The following RHOH variants were observed in gnomAD, a reference collection of about 807,000 sequenced individuals.
The protein encoded by RHOH is rho-related GTP-binding protein RhoH.
A neutral mutation model predicts 13.8 loss-of-function variants in RHOH; 6 were observed. The observed-to-expected ratio is 0.44, with a 90% CI of 0.24 to 0.86. RHOH has a LOEUF of 0.86. Among genes scored for constraint, RHOH ranks in the 40% least tolerant of loss-of-function variants. The probability of loss-of-function intolerance (pLI) is 0.24; values close to 1 mark genes in which losing one functional copy is unlikely to be tolerated. For synonymous variants in RHOH, 117 were observed against 103.0 expected (o/e 1.14, Z -0.82); for missense variants, 147 against 244.5 (o/e 0.60, Z 2.66).
chr4:40,231,884 C>T (rs1422069867), intron 1 of RHOH, among the ~76,000 whole-genome samples: 4 of 152,266 alleles, frequency 2.6e-5, no homozygotes, highest in African/African-American at 9.6e-5. Flanking sequence ...CTGCCTCTCA[C>T]CCTTCTAGGT....
chr4:40,242,215 C>T (rs1729339520), intron 1 of RHOH, among the ~76,000 whole-genome samples: 2 of 152,318 alleles, frequency 1.3e-5, no homozygotes, highest in Admixed American at 6.5e-5. Context: ...ATTTATTTGG[C>T]CTTTAATGAA....
intron 1 of RHOH, among the ~76,000 whole-genome samples, chr4:40,201,623 A>C (rs1723997257): frequency 6.6e-6 from 1 of 152,168 alleles, no homozygotes; most frequent in Non-Finnish European, 1.5e-5. Flanking sequence ...ACACTGTGAA[A>C]ATCAGCAAAC....
intron 1 of RHOH, among the ~76,000 whole-genome samples, chr4:40,228,662 C>T (rs1727532521): frequency 6.6e-6 from 1 of 151,056 alleles, no homozygotes. Context: ...TCTATCCAGA[C>T]ATCAGGCAGA....
chr4:40,201,620 G>A (rs923397786), intron 1 of RHOH, among the ~76,000 whole-genome samples: 13 of 152,042 alleles, frequency 8.6e-5, no homozygotes, highest in African/African-American at 1.4e-4. Flanking sequence ...AGTACACTGT[G>A]AAAATCAGCA....
At chr4:40,222,370 C>T (rs529178036) in intron 1 of RHOH, among the ~76,000 whole-genome samples, 31 of 152,334 alleles carry the variant, frequency 2.0e-4, no homozygotes, top group African/African-American at 7.0e-4. Context: ...AAAGAACAGG[C>T]TGACTGTCTA....
chr4:40,237,169 CT>C (rs1728681513), intron 1 of RHOH, among the ~76,000 whole-genome samples: 1 of 152,118 alleles, frequency 6.6e-6, no homozygotes, highest in Non-Finnish European at 1.5e-5. Flanking sequence ...GAACAAAGCA[CT>C]GGCCGGGTAA....
intron 1 of RHOH, among the ~76,000 whole-genome samples, chr4:40,220,253 G>A (rs376686750): frequency 6.6e-6 from 1 of 152,056 alleles, no homozygotes; most frequent in South Asian, 2.1e-4. Context: ...CCAAGACCAA[G>A]TTCAAATGTT....
chr4:40,231,768 CTT>C (rs138943809), intron 1 of RHOH, among the ~76,000 whole-genome samples: 3,245 of 152,320 alleles, frequency 0.021, 82 homozygotes, highest in East Asian at 0.069. Context: ...CCACTTGCCT[CTT>C]TGGTCTTTCC....
intron 1 of RHOH, among the ~76,000 whole-genome samples, chr4:40,221,447 C>T (rs1726565167): frequency 6.6e-6 from 1 of 152,202 alleles, no homozygotes; most frequent in African/African-American, 2.4e-5. Context: ...CGTATGCTCA[C>T]TTCATGGCTC....
chr4:40,237,846 C>CA (rs1318355909), intron 1 of RHOH, among the ~76,000 whole-genome samples: 7 of 152,172 alleles, frequency 4.6e-5, no homozygotes, highest in African/African-American at 1.7e-4. Context: ...CTACCTCCAC[C>CA]AAAGCCCAGC....
At chr4:40,236,935 T>C (rs1728657754) in intron 1 of RHOH, among the ~76,000 whole-genome samples, 1 of 152,224 alleles carries the variant, frequency 6.6e-6, no homozygotes, top group South Asian at 2.1e-4. Context: ...TTAGGAATTG[T>C]CGAAACCGTG....
intron 1 of RHOH, among the ~76,000 whole-genome samples, chr4:40,204,781 T>A (rs1425209931): frequency 6.6e-6 from 1 of 152,190 alleles, no homozygotes; most frequent in Admixed American, 6.5e-5. Context: ...TAGCATCAGA[T>A]CCTTAAAATG....
intron 1 of RHOH, among the ~76,000 whole-genome samples, chr4:40,236,116 T>C (rs1490913982): frequency 6.6e-6 from 1 of 152,250 alleles, no homozygotes; most frequent in Non-Finnish European, 1.5e-5. Context: ...TTGGTGACAC[T>C]TGGAGCTGCC....
Position 40,226,957 on chromosome 4 carries a change from G to C in RHOH, c.-330-15757G>C, listed in dbSNP as rs540742510. On this transcript the variant is annotated intron_variant, in intron 1 of 2. Coordinates refer to ENST00000381799, the MANE Select transcript of RHOH (RefSeq NM_004310.5). ...GTGGATCACTTGAGGTCAGGAGTTC[G>C]AGACCAGCCTGGCCAACATGGCGAA... Among the ~76,000 whole-genome samples, 127 of 152,222 alleles carry C rather than the reference G, an allele frequency of 8.3e-4. 1 individual carries two copies. Among genetic ancestry groups the C allele is most frequent in the African/African-American group, 2.9e-3 (121 of 41,532 alleles).
intron 1 of RHOH, among the ~76,000 whole-genome samples, chr4:40,213,885 T>C (rs1725576396): frequency 6.6e-6 from 1 of 152,116 alleles, no homozygotes; most frequent in Non-Finnish European, 1.5e-5. Context: ...GCCTCCTGAG[T>C]AGCTGGGATT....
At chr4:40,199,706 A>G (rs1041125989) in intron 1 of RHOH, among the ~76,000 whole-genome samples, 1 of 152,262 alleles carries the variant, frequency 6.6e-6, no homozygotes, top group African/African-American at 2.4e-5. Flanking sequence ...TTATCTTACA[A>G]TGTGTTAATT....
rs1046786637 is a variant in RHOH at position 40,243,129 on chromosome 4, G to A, written c.-209-49G>A. 1 of 400,492 alleles carries A rather than the reference G, an allele frequency of 2.5e-6. No homozygotes were observed. The highest frequency in any genetic ancestry group is 6.3e-5 in the South Asian group (1 of 15,990). 24.8% of individuals were successfully genotyped at this position (400,492 alleles called of 1,614,324 possible). A position where few individuals can be genotyped will look rare whatever the true frequency, so the allele number is the denominator to read the frequency against. ...AGGAAGCCCCTTATCTTCAAAAAAG[G>A]CAAGAAAGAAAGAAAGACTTCATTT... On this transcript the variant is annotated intron_variant, in intron 2 of 2. Transcript: ENST00000381799. This position sits in a 1 kb window ranked among gnomAD's most constrained non-coding sequence, Gnocchi z 6.2.
chr4:40,215,614 T>C (rs1384747378), intron 1 of RHOH, among the ~76,000 whole-genome samples: 2 of 152,206 alleles, frequency 1.3e-5, no homozygotes, highest in Non-Finnish European at 1.5e-5. Flanking sequence ...TGGTGTACCC[T>C]TTGGGGTTCT....
chr4:40,221,081 T>C (rs992393005), intron 1 of RHOH, among the ~76,000 whole-genome samples: 2 of 152,228 alleles, frequency 1.3e-5, no homozygotes, highest in African/African-American at 2.4e-5. Flanking sequence ...CTTAGGCAAT[T>C]GAGGGAGTAA....
Sources: gnomAD v4.1 joint callset for allele counts (sites outside exome capture counted in the v4.1 genomes callset) on GRCh38, gnomAD v4.1.1 for gene constraint, Gnocchi (gnomAD v3.1) non-coding constraint, MANE v1.5 for transcripts, NCBI Gene and HGNC (gene_info 2026-07-23, HGNC 2026-07-21) for gene names.